FAR1: variants seen among roughly 807,000 people sequenced by gnomAD.
FAR1 encodes fatty acyl-CoA reductase 1.
A neutral mutation model predicts 61.1 loss-of-function variants in FAR1; 22 were observed. The observed-to-expected ratio is 0.36, with a 90% CI of 0.26 to 0.51. The LOEUF (loss-of-function observed/expected upper bound fraction) is 0.51, where lower values mean the gene tolerates loss of function less well. Ranked by LOEUF, FAR1 falls within the 20% of genes least tolerant of loss-of-function variation. The pLI, the probability that FAR1 is intolerant of heterozygous loss-of-function variation, is 0.95. For synonymous variants in FAR1, 206 were observed against 209.7 expected (o/e 0.98, Z 0.15); for missense variants, 359 against 626.9 (o/e 0.57, Z 4.56).
intron 2 of FAR1, among the ~76,000 whole-genome samples, chr11:13,697,898 C>A (rs539967316): frequency 1.3e-5 from 2 of 152,218 alleles, no homozygotes; most frequent in African/African-American, 4.8e-5. Flanking sequence ...GTTACTCAGC[C>A]TTCCTCTGTT....
At chr11:13,708,383 C>A (rs1848457227) in intron 4 of FAR1, among the ~76,000 whole-genome samples, 1 of 149,926 alleles carries the variant, frequency 6.7e-6, no homozygotes. Context: ...AAAAAAAAAA[C>A]CTTTGGATTC....
Position 13,668,677 on chromosome 11 carries a change from C to A in FAR1, c.-137C>A. ...CTCAGCCAATGGGCGTGCCACTGCC[C>A]GTCCGCTCTTCAGCAGCCGGTCGCG... On this transcript the variant is annotated 5_prime_UTR_variant, in exon 1 of 12. Transcript: ENST00000354817. 1 of 153,196 alleles carries A rather than the reference C, an allele frequency of 6.5e-6. No individual in the cohort carries two copies. The highest frequency in any genetic ancestry group is 3.3e-3 in the Middle Eastern group (1 of 300). The allele number at this position is 153,196 out of a possible 1,614,324, so 9.5% of individuals were successfully genotyped here.
chr11:13,723,188 G>T (rs984267801), intron 10 of FAR1, among the ~76,000 whole-genome samples: 17 of 151,526 alleles, frequency 1.1e-4, no homozygotes, highest in Admixed American at 2.0e-4. Flanking sequence ...AATGTAGCGA[G>T]ACCCATCTCC....
chr11:13,678,480 G>A (rs950147020), intron 1 of FAR1, among the ~76,000 whole-genome samples: 8 of 152,100 alleles, frequency 5.3e-5, no homozygotes, highest in Non-Finnish European at 7.4e-5. Flanking sequence ...TAGCCAGGAC[G>A]GTCTCGATCT....
Position 13,714,644 on chromosome 11 carries a change from A to G in FAR1, c.1091A>G (p.Tyr364Cys), listed in dbSNP as rs2134194187. 3 of 1,613,124 alleles carry G rather than the reference A, an allele frequency of 1.9e-6. No homozygotes were observed. Among genetic ancestry groups the G allele is most frequent in the Non-Finnish European group, 2.5e-6 (3 of 1,179,492 alleles). Residue 364 changes from tyrosine to cysteine, a missense_variant, in exon 9 of 12, where the codon TAT becomes TGT. By Grantham distance (194) the Tyr-to-Cys change is radical. This residue lies in a region of FAR1 where 344 missense variants were observed against 570.3 expected (regional missense o/e 0.60). Coordinates refer to ENST00000354817, the MANE Select transcript of FAR1 (RefSeq NM_032228.6). ...AVSHKAPAFL[Y>C]DIYLRMTGRS... The stretch of plus-strand genomic sequence containing the variant: ...AGCCATAAGGCCCCAGCATTCCTGT[A>G]TGATATCTACCTCAGGATGACTGGA...
rs999783776 is a variant in FAR1, at chr11:13,705,667, A to G, written c.366-2233A>G. Among the ~76,000 whole-genome samples the G allele has an allele frequency of 2.6e-5, 4 of 152,068 alleles. No homozygotes were observed. The East Asian group carries it at 5.8e-4, about 22-fold the overall frequency. On this transcript the variant is annotated intron_variant, in intron 3 of 11. Coordinates refer to ENST00000354817, the MANE Select transcript of FAR1 (RefSeq NM_032228.6). ...TCACTTGAACAGATTTTCTCCCTCA[A>G]TTAAGGAAGAAAAAAAAATGCATCC...
At chr11:13,725,277 C>T (rs1198771002) in intron 10 of FAR1, among the ~76,000 whole-genome samples, 1 of 152,138 alleles carries the variant, frequency 6.6e-6, no homozygotes, top group Non-Finnish European at 1.5e-5. Flanking sequence ...TATCAGTTTA[C>T]ATTCCAGAGG....
At chr11:13,723,380 A>AC (rs1319093671) in intron 10 of FAR1, 218 of 418,142 alleles carry the variant, frequency 5.2e-4, no homozygotes, top group African/African-American at 4.4e-3. Context: ...AAAAAAAAAA[A>AC]AAACCCCAAA....
intron 9 of FAR1, among the ~76,000 whole-genome samples, chr11:13,715,596 T>C (rs1848546807): frequency 6.6e-6 from 1 of 152,174 alleles, no homozygotes; most frequent in African/African-American, 2.4e-5. Context: ...TTTTGACTAA[T>C]TATCCAGGTT....
rs755889898 is a variant in FAR1, at chr11:13,714,540, T to A, written c.987T>A (p.Asn329Lys). Reference sequence around the variant, plus strand: ...ATGTAATTTCCACTTTCAAGAGGAATCCTCTCGAACAGGCCTTCAGACGGC... The same window carrying A: ...ATGTAATTTCCACTTTCAAGAGGAAACCTCTCGAACAGGCCTTCAGACGGC... ...EYHVISTFKR[N>K]PLEQAFRRPN... Residue 329 changes from asparagine (N) to lysine (K), a missense_variant, in exon 9 of 12, where the codon AAT becomes AAA. Physicochemically the swap from Asn to Lys is moderately conservative, Grantham distance 94 (BLOSUM62 0). Coordinates refer to ENST00000354817, the MANE Select transcript of FAR1 (RefSeq NM_032228.6). 1.2e-6 allele frequency: 2 copies of A among 1,612,252 alleles called. No homozygotes were observed. Among genetic ancestry groups the A allele is most frequent in the Non-Finnish European group, 1.7e-6 (2 of 1,179,336 alleles).
At chr11:13,712,130 C>G in intron 7 of FAR1, 84 bp downstream of exon 7, 3 of 962,264 alleles carry the variant, frequency 3.1e-6, no homozygotes, top group Non-Finnish European at 5.0e-6. Context: ...TAATTAATCC[C>G]TCTATCCAGA....
At chr11:13,670,011 T>G (rs1847978788) in intron 1 of FAR1, 1 of 152,204 alleles carries the variant, frequency 6.6e-6, no homozygotes, top group African/African-American at 2.4e-5. Context: ...CAAGATCTCT[T>G]ACAGTAATAC....
chr11:13,684,779 C>T (rs532431949), intron 1 of FAR1, among the ~76,000 whole-genome samples: 1 of 152,290 alleles, frequency 6.6e-6, no homozygotes, highest in African/African-American at 2.4e-5. Flanking sequence ...GCTCACTAGT[C>T]TGTGTACTTT....
Position 13,707,954 on chromosome 11 carries a change from A to G in FAR1, c.420A>G (p.Gln140=), listed in dbSNP as rs752725729. 1.9e-6 allele frequency: 3 copies of G among 1,604,084 alleles called. No homozygotes were observed. The Admixed American group carries it at 5.1e-5, about 27-fold the overall frequency. The change falls in exon 4 of 12, where the codon CAA becomes CAG. Residue 140 remains glutamine, a synonymous_variant. Coordinates refer to ENST00000354817, the MANE Select transcript of FAR1 (RefSeq NM_032228.6). ...IATRQLILLA[Q]QMKNLEVFMH... is the part of the protein sequence containing the mutation. ...CGCGACAGCTTATTCTCCTTGCACA[A>G]CAAATGAAGAATCTGGAAGTGTTCA...
chr11:13,700,685 C>T, intron 3 of FAR1, 193 bp downstream of exon 3: 1 of 338,062 alleles, frequency 3.0e-6, no homozygotes, highest in South Asian at 1.3e-4. Context: ...TCTTGGATAA[C>T]TAATACATGT....
At chr11:13,694,453 A>T (rs1206074692) in intron 1 of FAR1, among the ~76,000 whole-genome samples, 1 of 152,152 alleles carries the variant, frequency 6.6e-6, no homozygotes, top group Non-Finnish European at 1.5e-5. Context: ...TTGAGTTCTT[A>T]TTGCTGGAAG....
rs200384290 is a variant in FAR1, at chr11:13,728,708, C to T, written c.1482C>T (p.Tyr494=). ...CACAAATGGCAAGAAATATCTGGTA[C>T]TTTGTGGTTAGTCTGTGTTACAAGT... ...ARSQMARNIW[Y]FVVSLCYKFL... is the part of the protein sequence containing the mutation. The change falls in exon 12 of 12, where the codon TAC becomes TAT. Residue 494 remains tyrosine (Y), a synonymous_variant. Transcript: ENST00000354817. The T allele has an allele frequency of 5.5e-5, 88 of 1,612,396 alleles. No homozygotes were observed. In the East Asian group the frequency reaches 1.9e-3, roughly 35 times the overall value.
intron 2 of FAR1, 110 bp from the exon 3 acceptor site, chr11:13,700,207 G>A (rs898669242): frequency 5.1e-6 from 4 of 780,686 alleles, no homozygotes; most frequent in Non-Finnish European, 8.1e-6. Context: ...GAATTGTATA[G>A]TTTAAGTTTC....
At chr11:13,691,301 A>G (rs1317687361) in intron 1 of FAR1, among the ~76,000 whole-genome samples, 1 of 152,210 alleles carries the variant, frequency 6.6e-6, no homozygotes, top group African/African-American at 2.4e-5. Flanking sequence ...TTGATGAGGA[A>G]GGAGCCCTCC....
Sources: gnomAD v4.1 joint callset for allele counts (sites outside exome capture counted in the v4.1 genomes callset) on GRCh38, gnomAD v4.1.1 for gene constraint, gnomAD v4.1.1 regional missense constraint, MANE v1.5 for transcripts, NCBI Gene and HGNC (gene_info 2026-07-23, HGNC 2026-07-21) for gene names.